RYR2: variants seen among roughly 807,000 people sequenced by gnomAD.
The protein encoded by RYR2 is ryanodine receptor 2, also known as cardiac muscle ryanodine receptor-calcium release channel.
Under a neutral mutation model 601.1 loss-of-function variants are expected in RYR2, and 227 were observed. That is an observed-to-expected ratio of 0.38 (90% CI 0.34 to 0.42). The LOEUF (loss-of-function observed/expected upper bound fraction) is 0.42, where lower values mean the gene tolerates loss of function less well. Among genes scored for constraint, RYR2 ranks in the 10% least tolerant of loss-of-function variants. The pLI, the probability that RYR2 is intolerant of heterozygous loss-of-function variation, is 1.00. For synonymous variants in RYR2, 2,223 were observed against 2,175.1 expected (o/e 1.02, Z -0.61); for missense variants, 4,646 against 6,156.5 (o/e 0.75, Z 8.21).
intron 51 of RYR2, among the ~76,000 whole-genome samples, chr1:237,652,031 G>A (rs190997545): frequency 4.6e-5 from 7 of 151,146 alleles, no homozygotes; most frequent in East Asian, 2.0e-4. Context: ...GCGAGACTCC[G>A]TCAAAAAAAG....
At chr1:237,403,073 A>G (rs1418335917) in intron 10 of RYR2, among the ~76,000 whole-genome samples, 1 of 152,224 alleles carries the variant, frequency 6.6e-6, no homozygotes, top group Non-Finnish European at 1.5e-5. Flanking sequence ...GGAAAGATGG[A>G]TGGAGGGAGA....
intron 1 of RYR2, among the ~76,000 whole-genome samples, chr1:237,133,724 A>G (rs1672425299): frequency 6.6e-6 from 1 of 152,080 alleles, no homozygotes; most frequent in African/African-American, 2.4e-5. Flanking sequence ...TCAGAAGTTC[A>G]AGACCAGCCT....
intron 2 of RYR2, among the ~76,000 whole-genome samples, chr1:237,285,864 T>C (rs1299736122): frequency 2.0e-5 from 3 of 152,174 alleles, no homozygotes; most frequent in African/African-American, 7.2e-5. Flanking sequence ...GTGGTGTCAG[T>C]TGTAATATTT....
At chr1:237,806,972 T>C (rs1355669549) in intron 99 of RYR2, among the ~76,000 whole-genome samples, 4 of 152,202 alleles carry the variant, frequency 2.6e-5, no homozygotes, top group Non-Finnish European at 5.9e-5. Flanking sequence ...GGCGACATAT[T>C]CTGTGTTAGT....
chr1:237,403,570 C>T (rs754068993), intron 10 of RYR2, among the ~76,000 whole-genome samples: 5 of 152,086 alleles, frequency 3.3e-5, no homozygotes, highest in Admixed American at 6.5e-5. Flanking sequence ...GGACTATATG[C>T]GTGTGCCACC....
At chr1:237,401,470 GTTATAC>G (rs1703343727) in intron 10 of RYR2, among the ~76,000 whole-genome samples, 1 of 148,718 alleles carries the variant, frequency 6.7e-6, no homozygotes, top group South Asian at 2.1e-4. Flanking sequence ...GAACACAGAT[GTTATAC>G]TTATGCTTGC....
At chr1:237,149,938 A>AG (rs1212807877) in intron 1 of RYR2, among the ~76,000 whole-genome samples, 2 of 152,286 alleles carry the variant, frequency 1.3e-5, no homozygotes, top group East Asian at 3.9e-4. Flanking sequence ...ATAGCTCATT[A>AG]GGGGGGTTTT....
intron 17 of RYR2, among the ~76,000 whole-genome samples, chr1:237,487,863 ATAGAAT>A (rs1662870153): frequency 6.6e-6 from 1 of 151,960 alleles, no homozygotes; most frequent in Admixed American, 6.6e-5. Flanking sequence ...GTTATAATTA[ATAGAAT>A]TAGAAGCTGT....
chr1:237,594,388 C>T (rs1175237681), intron 33 of RYR2, among the ~76,000 whole-genome samples: 3 of 152,082 alleles, frequency 2.0e-5, no homozygotes, highest in African/African-American at 7.2e-5. Context: ...TTCCTGCCCT[C>T]GGGTTGTAAC....
chr1:237,498,471 AC>A (rs1664300366), intron 20 of RYR2, among the ~76,000 whole-genome samples: 2 of 151,876 alleles, frequency 1.3e-5, no homozygotes, highest in Admixed American at 1.3e-4. Context: ...AGATACTATT[AC>A]CCCCTCTCTC....
intron 23 of RYR2, 134 bp downstream of exon 23, chr1:237,506,948 T>G (rs1205030298): frequency 1.2e-5 from 9 of 765,468 alleles, no homozygotes; most frequent in Non-Finnish European, 1.7e-5. Flanking sequence ...TACACATTAG[T>G]TTTTGTGCAG....
At chr1:237,739,330 G>A (rs949410904) in intron 79 of RYR2, among the ~76,000 whole-genome samples, 12 of 152,054 alleles carry the variant, frequency 7.9e-5, no homozygotes, top group African/African-American at 2.9e-4. Flanking sequence ...GCATCCCATC[G>A]GTTTGCTGTT....
chr1:237,758,055 T>C (rs1693102573), intron 82 of RYR2, among the ~76,000 whole-genome samples: 1 of 152,194 alleles, frequency 6.6e-6, no homozygotes, highest in Admixed American at 6.5e-5. Context: ...TCTCTCACCA[T>C]GCGTTTACCA....
At chr1:237,398,726 T>C (rs1010919511) in intron 10 of RYR2, among the ~76,000 whole-genome samples, 7 of 152,228 alleles carry the variant, frequency 4.6e-5, no homozygotes, top group African/African-American at 1.7e-4. Context: ...GGCTTAGCAA[T>C]AGTACTCCTG....
intron 1 of RYR2, among the ~76,000 whole-genome samples, chr1:237,193,239 G>A (rs149728465): frequency 0.017 from 2,507 of 151,796 alleles, 74 homozygotes; most frequent in African/African-American, 0.058. Flanking sequence ...GCCGAGGTGG[G>A]TGGATCACGA....
At chr1:237,399,641 T>G (rs1245516341) in intron 10 of RYR2, among the ~76,000 whole-genome samples, 2 of 151,478 alleles carry the variant, frequency 1.3e-5, no homozygotes. Context: ...GACCAGGGGG[T>G]TTTTATCCTT....
intron 8 of RYR2, among the ~76,000 whole-genome samples, chr1:237,383,539 C>T (rs1244816729): frequency 1.3e-5 from 2 of 148,268 alleles, no homozygotes; most frequent in Admixed American, 1.4e-4. Context: ...ACGCCATTCT[C>T]CTGCCTCAGC....
chr1:237,345,478 A>T (rs1698220419), intron 3 of RYR2, among the ~76,000 whole-genome samples: 1 of 151,242 alleles, frequency 6.6e-6, no homozygotes, highest in African/African-American at 2.4e-5. Flanking sequence ...AAAAAATAAA[A>T]AATAAAAAAA....
At chr1:237,415,954 C>T (rs548956788) in intron 10 of RYR2, among the ~76,000 whole-genome samples, 17 of 152,128 alleles carry the variant, frequency 1.1e-4, no homozygotes, top group Admixed American at 3.9e-4. Context: ...TAGGTGTATG[C>T]GGATTTATTT....
Sources: allele counts gnomAD v4.1 joint callset (sites outside exome capture counted in the v4.1 genomes callset), GRCh38; gene constraint gnomAD v4.1.1; transcripts MANE v1.5; gene names NCBI Gene and HGNC (gene_info 2026-07-23, HGNC 2026-07-21).